Variants in SLC44A1 observed in about 807,000 individuals in gnomAD.
The protein encoded by SLC44A1 is solute carrier family 44 member 1.
A neutral mutation model predicts 79.3 loss-of-function variants in SLC44A1; 26 were observed. The observed-to-expected ratio is 0.33, with a 90% CI of 0.24 to 0.46. The LOEUF (loss-of-function observed/expected upper bound fraction) is 0.46. Among genes scored for constraint, SLC44A1 ranks in the 20% least tolerant of loss-of-function variants. The pLI, the probability that SLC44A1 is intolerant of heterozygous loss-of-function variation, is 1.00. For missense variants in SLC44A1, 688 were observed against 798.1 expected, an observed-to-expected ratio of 0.86 and a Z score of 1.66; for synonymous variants, 263 against 286.2, an observed-to-expected ratio of 0.92 and a Z score of 0.82.
At chr9:105,308,521 C>T (rs960020822) in intron 2 of SLC44A1, among the ~76,000 whole-genome samples, 2 of 152,280 alleles carry the variant, frequency 1.3e-5, no homozygotes, top group East Asian at 1.9e-4. Context: ...CTATTCTTTC[C>T]TTGTAGCTCC....
chr9:105,343,150 G>A (rs1443773056), intron 4 of SLC44A1, among the ~76,000 whole-genome samples: 1 of 152,008 alleles, frequency 6.6e-6, no homozygotes, highest in East Asian at 1.9e-4. Context: ...TAACACAGTA[G>A]TAAAGTCTGG....
At chr9:105,271,968 CATA>C (rs993873903) in intron 1 of SLC44A1, among the ~76,000 whole-genome samples, 29 of 152,246 alleles carry the variant, frequency 1.9e-4, no homozygotes, top group African/African-American at 6.3e-4. Context: ...ACTTTGGTCT[CATA>C]ATATTTTTGT....
chr9:105,399,596 C>CT (rs1326935231), downstream of SLC44A1, among the ~76,000 whole-genome samples: 1 of 152,132 alleles, frequency 6.6e-6, no homozygotes, highest in African/African-American at 2.4e-5. Flanking sequence ...TCCAAGCTTC[C>CT]TGTTAGTCCT....
chr9:105,258,080 A>G (rs1829753046), intron 1 of SLC44A1, among the ~76,000 whole-genome samples: 1 of 152,282 alleles, frequency 6.6e-6, no homozygotes, highest in Admixed American at 6.5e-5. Flanking sequence ...AAAATAAAAT[A>G]GACCTTCCTG....
intron 15 of SLC44A1, among the ~76,000 whole-genome samples, chr9:105,422,728 G>A (rs577133759): frequency 2.5e-4 from 38 of 152,224 alleles, no homozygotes; most frequent in African/African-American, 8.9e-4. Context: ...TAATTCCCTG[G>A]GGGCAAAGCC....
At chr9:105,246,158 G>A (rs1005674737) in intron 1 of SLC44A1, among the ~76,000 whole-genome samples, 5 of 152,096 alleles carry the variant, frequency 3.3e-5, no homozygotes, top group African/African-American at 9.7e-5. Flanking sequence ...ACGCTAGTTT[G>A]GGGGGAAAAA....
chr9:105,269,066 A>G (rs967201856), intron 1 of SLC44A1, among the ~76,000 whole-genome samples: 1 of 152,152 alleles, frequency 6.6e-6, no homozygotes, highest in Non-Finnish European at 1.5e-5. Context: ...AGCTTTATAG[A>G]CTGTCATGAG....
At chr9:105,301,252 A>G (rs1389199066) in intron 2 of SLC44A1, among the ~76,000 whole-genome samples, 2 of 152,220 alleles carry the variant, frequency 1.3e-5, no homozygotes, top group African/African-American at 4.8e-5. Context: ...TAATGTTAAT[A>G]GGCTGATTTG....
Position 105,354,513 on chromosome 9 carries a change from T to TC in SLC44A1, c.501-1697dup, listed in dbSNP as rs796177527. ...AAGCATTTCTTAGAATGCTGTGGCTTCCTGCGCTTTCTGATACAATATCAA... is the reference window on the plus strand; with the variant it reads ...AAGCATTTCTTAGAATGCTGTGGCTTCCCTGCGCTTTCTGATACAATATCAA... On this transcript the variant is annotated intron_variant, in intron 5 of 15. Coordinates refer to ENST00000374720, the MANE Select transcript of SLC44A1 (RefSeq NM_080546.5). Among the ~76,000 whole-genome samples the TC allele has an allele frequency of 1.2e-3, 186 of 152,380 alleles. 1 individual carries two copies. The highest frequency in any genetic ancestry group is 4.2e-3 in the African/African-American group (174 of 41,588).
At chr9:105,285,228 C>A (rs1196939405) in intron 1 of SLC44A1, among the ~76,000 whole-genome samples, 1 of 152,040 alleles carries the variant, frequency 6.6e-6, no homozygotes, top group Admixed American at 6.6e-5. Flanking sequence ...TTTTGAAATA[C>A]AATCAAGTGT....
chr9:105,396,167 T>C lies in SLC44A1; in HGVS notation c.*7111T>C. The C allele has an allele frequency of 1.0e-6, 1 of 985,426 alleles. No homozygotes were observed. Among genetic ancestry groups the C allele is most frequent in the Non-Finnish European group, 1.2e-6 (1 of 829,940 alleles). The allele number at this position is 985,426 out of a possible 1,614,324, so 61.0% of individuals were successfully genotyped here. On this transcript the variant is annotated 3_prime_UTR_variant, in exon 16 of 16. Coordinates refer to ENST00000374720, the MANE Select transcript of SLC44A1 (RefSeq NM_080546.5). ...TAGATTGTGTTGTGTTGTTGGAGTT[T>C]TCTGACTTCTTCCCTATAAAAAGAT...
At chr9:105,414,176 C>T (rs1564056468) in intron 15 of SLC44A1, among the ~76,000 whole-genome samples, 1 of 151,942 alleles carries the variant, frequency 6.6e-6, no homozygotes, top group Non-Finnish European at 1.5e-5. Flanking sequence ...AATTTTCCTG[C>T]CTCAGCCTCC....
intron 2 of SLC44A1, among the ~76,000 whole-genome samples, chr9:105,299,582 G>T (rs1316723649): frequency 6.6e-6 from 1 of 152,206 alleles, no homozygotes; most frequent in Admixed American, 6.5e-5. Flanking sequence ...GCAAAACAGT[G>T]ACCATGAGTC....
intron 1 of SLC44A1, among the ~76,000 whole-genome samples, chr9:105,283,420 C>G (rs973454595): frequency 1.3e-5 from 2 of 152,206 alleles, no homozygotes; most frequent in African/African-American, 4.8e-5. Flanking sequence ...AAGAGGCGCT[C>G]TGCTAAGTGT....
At chr9:105,307,993 CAGA>C (rs1313415452) in intron 2 of SLC44A1, among the ~76,000 whole-genome samples, 1 of 152,112 alleles carries the variant, frequency 6.6e-6, no homozygotes, top group Non-Finnish European at 1.5e-5. Flanking sequence ...TGCTTGGAGG[CAGA>C]AGGAGACTAA....
chr9:105,383,058 T>G (rs1259658172), intron 13 of SLC44A1, 65 bp from the exon 14 acceptor site: 3 of 1,112,748 alleles, frequency 2.7e-6, no homozygotes, highest in Non-Finnish European at 4.1e-6. Flanking sequence ...AGTCTGCAAA[T>G]GGTGAAAAAA....
At chr9:105,340,483 G>A (rs1226238318) in intron 4 of SLC44A1, among the ~76,000 whole-genome samples, 1 of 152,178 alleles carries the variant, frequency 6.6e-6, no homozygotes, top group African/African-American at 2.4e-5. Flanking sequence ...CAGTTTGAAT[G>A]AACTTAATGT....
intron 9 of SLC44A1, among the ~76,000 whole-genome samples, 163 bp downstream of exon 9, chr9:105,363,170 CT>C (rs35157236): frequency 1.1e-4 from 16 of 149,238 alleles, no homozygotes; most frequent in East Asian, 2.0e-4. Flanking sequence ...TCATATTCGT[CT>C]TTTTTTTTTG....
chr9:105,261,927 C>G (rs527713894), intron 1 of SLC44A1, among the ~76,000 whole-genome samples: 4 of 151,928 alleles, frequency 2.6e-5, no homozygotes, highest in African/African-American at 9.7e-5. Context: ...CTACAGGCGC[C>G]CGCCACCATG....
Sources: allele counts gnomAD v4.1 joint callset (sites outside exome capture counted in the v4.1 genomes callset), GRCh38; gene constraint gnomAD v4.1.1; transcripts MANE v1.5; gene names NCBI Gene and HGNC (gene_info 2026-07-23, HGNC 2026-07-21).